The following ADCK1 variants were observed in gnomAD, a reference collection of about 807,000 sequenced individuals.
The protein encoded by ADCK1 is aarF domain containing kinase 1.
Under a neutral mutation model 52.3 loss-of-function variants are expected in ADCK1, and 41 were observed. The ratio of observed to expected loss-of-function variants is 0.78; its 90% CI spans 0.61 to 1.02. The LOEUF is 1.02. Among genes scored for constraint, ADCK1 ranks in the 50% least tolerant of loss-of-function variants. The pLI is 0.00. For synonymous variants in ADCK1, 250 were observed against 274.6 expected (o/e 0.91, Z 0.89); for missense variants, 658 against 679.5 (o/e 0.97, Z 0.35).
chr14:77,910,768 G>A (rs4476113), intron 7 of ADCK1, among the ~76,000 whole-genome samples: 1,804 of 152,324 alleles, frequency 0.012, 19 homozygotes, highest in Middle Eastern at 0.037. Flanking sequence ...GTGCCTGGCC[G>A]GAGGGGGCAG....
At chr14:77,913,452 T>A (rs1566730352) in intron 7 of ADCK1, among the ~76,000 whole-genome samples, 1 of 152,284 alleles carries the variant, frequency 6.6e-6, no homozygotes. Flanking sequence ...GAAGCAGATA[T>A]TACCAAGGGC....
intron 6 of ADCK1, among the ~76,000 whole-genome samples, chr14:77,906,347 G>C (rs2083664843): frequency 6.6e-6 from 1 of 152,206 alleles, no homozygotes; most frequent in African/African-American, 2.4e-5. Flanking sequence ...CGGCATGCTG[G>C]AAGCCCAGTA....
At chr14:77,908,820 C>T (rs1005593497) in intron 7 of ADCK1, among the ~76,000 whole-genome samples, 3 of 152,162 alleles carry the variant, frequency 2.0e-5, no homozygotes, top group Non-Finnish European at 2.9e-5. Context: ...TCTCAGGCAG[C>T]GAGAGGGTGT....
At chr14:77,846,653 C>A (rs1247139695) in intron 3 of ADCK1, among the ~76,000 whole-genome samples, 1 of 152,152 alleles carries the variant, frequency 6.6e-6, no homozygotes, top group African/African-American at 2.4e-5. Flanking sequence ...CCAGCTGATC[C>A]CTGCTGAGAA....
chr14:77,859,473 A>G (rs2082497390), intron 4 of ADCK1, among the ~76,000 whole-genome samples, 194 bp downstream of exon 4: 1 of 152,242 alleles, frequency 6.6e-6, no homozygotes, highest in African/African-American at 2.4e-5. Context: ...ATACCAGTTC[A>G]ACCATATGAA....
chr14:77,842,512 C>A (rs908858649), intron 3 of ADCK1, among the ~76,000 whole-genome samples: 1 of 134,860 alleles, frequency 7.4e-6, no homozygotes, highest in African/African-American at 2.9e-5. Context: ...TCCTTCCTTC[C>A]TTCATTTCCT....
intron 3 of ADCK1, among the ~76,000 whole-genome samples, chr14:77,841,866 A>AG (rs1306177103): frequency 4.2e-4 from 60 of 142,860 alleles, no homozygotes; most frequent in African/African-American, 1.5e-3. Flanking sequence ...AAAAAAAAAA[A>AG]AAAATTTGCC....
At chr14:77,816,471 A>G (rs1459190966) in intron 1 of ADCK1, among the ~76,000 whole-genome samples, 1 of 152,112 alleles carries the variant, frequency 6.6e-6, no homozygotes, top group African/African-American at 2.4e-5. Flanking sequence ...CTATACACTG[A>G]GGGAAGGAAT....
chr14:77,849,897 G>A (rs1341844522), intron 3 of ADCK1, among the ~76,000 whole-genome samples: 1 of 152,132 alleles, frequency 6.6e-6, no homozygotes, highest in African/African-American at 2.4e-5. Context: ...AATGTGGTCT[G>A]TCAGCTGCAT....
chr14:77,814,639 A>AATT (rs2081403908), intron 1 of ADCK1, among the ~76,000 whole-genome samples: 1 of 141,608 alleles, frequency 7.1e-6, no homozygotes, highest in Non-Finnish European at 1.5e-5. Context: ...TCAAGGCTGC[A>AATT]GTAAGTTGAG....
rs528223958 is a variant in ADCK1 at position 77,866,953 on chromosome 14, C to CA, written c.423+7675dup. 3.3e-5 allele frequency among the ~76,000 whole-genome samples: 5 copies of CA among 152,304 alleles called. No homozygotes were observed. In the East Asian group the frequency reaches 9.7e-4, roughly 29 times the overall value. On this transcript the variant is annotated intron_variant, in intron 4 of 10. Transcript: ENST00000238561. Reference sequence around the variant, plus strand: ...CAGGGGAGAGATGCCTCCAGGCTCTCATATTGTTTGCTTCTTTCCAGCACT... The same window carrying CA: ...CAGGGGAGAGATGCCTCCAGGCTCTCAATATTGTTTGCTTCTTTCCAGCACT...
intron 3 of ADCK1, among the ~76,000 whole-genome samples, chr14:77,852,660 A>AATAAAT (rs1372819667): frequency 6.3e-5 from 2 of 31,744 alleles, no homozygotes; most frequent in African/African-American, 2.3e-4. Flanking sequence ...TAAATAAATA[A>AATAAAT]ATATATATAT....
intron 3 of ADCK1, among the ~76,000 whole-genome samples, chr14:77,851,674 C>T (rs1457448834): frequency 1.3e-5 from 2 of 152,066 alleles, no homozygotes; most frequent in East Asian, 3.9e-4. Context: ...TTATAGTATA[C>T]ATCTTGTCAG....
At chr14:77,813,103 A>G (rs1335030668) in intron 1 of ADCK1, among the ~76,000 whole-genome samples, 1 of 151,526 alleles carries the variant, frequency 6.6e-6, no homozygotes, top group Non-Finnish European at 1.5e-5. Context: ...CCCGGGTTCA[A>G]GCAATTTTCC....
At chr14:77,894,181 C>T (rs1478421700) in intron 5 of ADCK1, among the ~76,000 whole-genome samples, 4 of 152,202 alleles carry the variant, frequency 2.6e-5, no homozygotes, top group Admixed American at 2.6e-4. Flanking sequence ...AACTTCTCTT[C>T]ACCCTATAAA....
intron 4 of ADCK1, among the ~76,000 whole-genome samples, chr14:77,869,382 C>A (rs1433425386): frequency 6.6e-6 from 1 of 152,082 alleles, no homozygotes; most frequent in Non-Finnish European, 1.5e-5. Context: ...CCAATCTCTG[C>A]CTTCATCTTC....
intron 5 of ADCK1, among the ~76,000 whole-genome samples, chr14:77,888,361 G>A (rs557745540): frequency 7.0e-4 from 106 of 152,272 alleles, no homozygotes; most frequent in African/African-American, 2.3e-3. Flanking sequence ...AAGCTAAGGC[G>A]TAGAATGGTA....
intron 5 of ADCK1, among the ~76,000 whole-genome samples, chr14:77,888,959 G>C (rs1423678983): frequency 6.6e-6 from 1 of 152,194 alleles, no homozygotes. Flanking sequence ...TGTGGGGGGG[G>C]ACCTGGTGGG....
At chr14:77,921,982 G>T (rs1030112201) in intron 7 of ADCK1, among the ~76,000 whole-genome samples, 9 of 152,212 alleles carry the variant, frequency 5.9e-5, no homozygotes, top group South Asian at 2.1e-4. Flanking sequence ...CTGGAATTCT[G>T]TCAGCTCAGT....
Sources: gnomAD v4.1 joint callset for allele counts (sites outside exome capture counted in the v4.1 genomes callset) on GRCh38, gnomAD v4.1.1 for gene constraint, MANE v1.5 for transcripts, NCBI Gene and HGNC (gene_info 2026-07-23, HGNC 2026-07-21) for gene names.